DLG3: variants seen among roughly 807,000 people sequenced by gnomAD.
DLG3 encodes disks large homolog 3.
In DLG3, 1 loss-of-function variant was observed where a neutral mutation model predicts 64.1. The observed-to-expected ratio is 0.02, with a 90% CI of 0.01 to 0.07. The LOEUF (loss-of-function observed/expected upper bound fraction) is 0.07, where lower values mean the gene tolerates loss of function less well. Among genes scored for constraint, DLG3 ranks in the 10% least tolerant of loss-of-function variants. The pLI, the probability that DLG3 is intolerant of heterozygous loss-of-function variation, is 1.00. For synonymous variants in DLG3, 245 were observed against 259.8 expected (o/e 0.94, Z 0.55); for missense variants, 429 against 669.5 (o/e 0.64, Z 3.96).
chrX:70,496,994 C>A (rs181113207), intron 13 of DLG3, among the ~76,000 whole-genome samples: 1 of 112,172 alleles, frequency 8.9e-6, no homozygotes, highest in Non-Finnish European at 1.9e-5. Flanking sequence ...GGGACAAGTA[C>A]GAGAGGGCCA....
At chrX:70,485,378 G>A (rs1405853123) in intron 10 of DLG3, among the ~76,000 whole-genome samples, 1 of 112,283 alleles carries the variant, frequency 8.9e-6, no homozygotes, top group Non-Finnish European at 1.9e-5. Context: ...GCTGCCAAAT[G>A]TGGTAGCAAA....
At position 70,479,234 on chromosome X, in the gene DLG3, G is replaced by C; in HGVS notation, c.1490G>C (p.Arg497Pro). 10 of 1,210,069 alleles carry C rather than the reference G, an allele frequency of 8.3e-6. No individual in the cohort carries two copies. The highest frequency in any genetic ancestry group is 1.1e-5 in the Non-Finnish European group (10 of 894,021). ...SSMSSGSGSL[R>P]TSEKRSLYVR... Reference sequence around the variant, plus strand: ...ATGAGCTCTGGGTCTGGGTCCCTCCGAACAAGTGAAAAGAGGTCCTTGTAT... The same window carrying C: ...ATGAGCTCTGGGTCTGGGTCCCTCCCAACAAGTGAAAAGAGGTCCTTGTAT... Residue 497 changes from arginine to proline, a missense_variant, in exon 10 of 19, where the codon CGA becomes CCA. By Grantham distance (103) the Arg-to-Pro change is moderately radical. Coordinates refer to ENST00000374360, the MANE Select transcript of DLG3 (RefSeq NM_021120.4).
At chrX:70,466,245 ATTTG>A (rs1440915379) in intron 9 of DLG3, among the ~76,000 whole-genome samples, 1 of 58,095 alleles carries the variant, frequency 1.7e-5, no homozygotes, top group Non-Finnish European at 3.1e-5. Context: ...TTTCTTGGTC[ATTTG>A]TGTGTGTGTG....
At chrX:70,481,177 C>T (rs1193694522) in intron 10 of DLG3, among the ~76,000 whole-genome samples, 2 of 112,112 alleles carry the variant, frequency 1.8e-5, no homozygotes, top group East Asian at 2.8e-4. Context: ...CTGGCTTACT[C>T]TCTTCCCTTT....
chrX:70,477,236 A>G (rs2087068894), intron 9 of DLG3, among the ~76,000 whole-genome samples: 1 of 112,934 alleles, frequency 8.9e-6, no homozygotes, highest in Non-Finnish European at 1.9e-5. Flanking sequence ...AGGGGAAAAC[A>G]TGGCTTAAAG....
At chrX:70,453,438 G>T in intron 7 of DLG3, 199 bp from the exon 8 acceptor site, 1 of 501,779 alleles carries the variant, frequency 2.0e-6, no homozygotes, top group Non-Finnish European at 3.1e-6. Flanking sequence ...AAGAAGGGAG[G>T]GAAGAGGAAC....
intron 1 of DLG3, among the ~76,000 whole-genome samples, chrX:70,447,388 T>C (rs975257464): frequency 8.9e-6 from 1 of 111,990 alleles, no homozygotes; most frequent in East Asian, 2.8e-4. Flanking sequence ...TGGTTTCGGG[T>C]CTCTAAGGAG....
intron 9 of DLG3, among the ~76,000 whole-genome samples, chrX:70,477,218 T>A (rs2087068560): frequency 8.9e-6 from 1 of 112,512 alleles, no homozygotes; most frequent in African/African-American, 3.2e-5. Flanking sequence ...TATAAACAAG[T>A]TTCAAGAAGG....
At position 70,445,161 on chromosome X, in the gene DLG3, C is replaced by A; in HGVS notation, c.-41C>A. On this transcript the variant is annotated 5_prime_UTR_variant, in exon 1 of 19. Coordinates refer to ENST00000374360, the MANE Select transcript of DLG3 (RefSeq NM_021120.4). ...GGCGGCGGTGGCGGCGGCGTGGAATCCGGCGTGGGCTGGGGGGTCCGAGCC... is the reference window on the plus strand; with the variant it reads ...GGCGGCGGTGGCGGCGGCGTGGAATACGGCGTGGGCTGGGGGGTCCGAGCC... The A allele has an allele frequency of 1.9e-6, 2 of 1,060,456 alleles. No individual in the cohort carries two copies. The highest frequency in any genetic ancestry group is 2.5e-6 in the Non-Finnish European group (2 of 800,784). The allele number at this position is 1,060,456 out of a possible 1,213,427, so 87.4% of individuals were successfully genotyped here.
At chrX:70,467,319 C>T (rs1331833867) in intron 9 of DLG3, among the ~76,000 whole-genome samples, 7 of 112,087 alleles carry the variant, frequency 6.2e-5, no homozygotes, top group African/African-American at 1.9e-4. Flanking sequence ...ACCTCAGTAC[C>T]ATTTGTTAGA....
chrX:70,475,158 C>G (rs1159652406), intron 9 of DLG3, among the ~76,000 whole-genome samples: 1 of 109,290 alleles, frequency 9.1e-6, no homozygotes, highest in African/African-American at 3.3e-5. Context: ...AGTGAGACCC[C>G]CATCTCTACA....
intron 10 of DLG3, among the ~76,000 whole-genome samples, chrX:70,484,126 A>G (rs2087213183): frequency 8.9e-6 from 1 of 111,836 alleles, no homozygotes; most frequent in Non-Finnish European, 1.9e-5. Context: ...TTGTGCTCCA[A>G]AGGTTGCCAA....
intron 18 of DLG3, among the ~76,000 whole-genome samples, chrX:70,501,484 C>G (rs752440627): frequency 1.2e-3 from 129 of 106,287 alleles, no homozygotes; most frequent in African/African-American, 4.4e-3. Flanking sequence ...CTATGTAATA[C>G]GTTCTTCACC....
rs749865823 is a variant in DLG3, at chrX:70,452,730, T to G, written c.1145+704T>G. ...GCAGAGGTGGGCCTGGCCGCTCCGCTCCCTGCGGCCCGGAGGGGATGCCAG... is the reference window on the plus strand; with the variant it reads ...GCAGAGGTGGGCCTGGCCGCTCCGCGCCCTGCGGCCCGGAGGGGATGCCAG... On this transcript the variant is annotated intron_variant, in intron 7 of 18. Transcript: ENST00000374360. 1.4e-5 allele frequency: 17 copies of G among 1,194,788 alleles called. No homozygotes were observed. The South Asian group carries it at 3.0e-4, about 21-fold the overall frequency.
intron 13 of DLG3, among the ~76,000 whole-genome samples, chrX:70,496,670 C>T (rs774197610): frequency 2.6e-4 from 29 of 112,506 alleles, no homozygotes; most frequent in Non-Finnish European, 4.7e-4. Flanking sequence ...GGGGAGCCCA[C>T]CGAATGGTCA....
At chrX:70,452,400 A>G (rs1021824983) in intron 7 of DLG3, 21 of 948,611 alleles carry the variant, frequency 2.2e-5, no homozygotes, top group Non-Finnish European at 2.6e-5. Flanking sequence ...AAAGCAGTTC[A>G]GCCGGTGGGG....
intron 10 of DLG3, among the ~76,000 whole-genome samples, chrX:70,490,907 C>CT (rs891810740): frequency 9.2e-6 from 1 of 109,057 alleles, no homozygotes; most frequent in Non-Finnish European, 1.9e-5. Context: ...AAAGTAGAAA[C>CT]TTTTTTTTTG....
At chrX:70,453,955 C>T (rs984918072) in intron 8 of DLG3, among the ~76,000 whole-genome samples, 162 bp downstream of exon 8, 4 of 111,837 alleles carry the variant, frequency 3.6e-5, no homozygotes, top group Non-Finnish European at 5.6e-5. Context: ...TGACAGGGAC[C>T]GGGACTAGAC....
chrX:70,461,007 A>G (rs980523051), intron 9 of DLG3, among the ~76,000 whole-genome samples: 4 of 111,993 alleles, frequency 3.6e-5, no homozygotes, highest in African/African-American at 9.7e-5. Flanking sequence ...TTTTGCTATT[A>G]TGAATAATGC....
Sources: allele counts gnomAD v4.1 joint callset (sites outside exome capture counted in the v4.1 genomes callset), GRCh38; gene constraint gnomAD v4.1.1; transcripts MANE v1.5; gene names NCBI Gene and HGNC (gene_info 2026-07-23, HGNC 2026-07-21).